PPP1R12B: variants seen among roughly 807,000 people sequenced by gnomAD.
PPP1R12B encodes the protein protein phosphatase 1 regulatory subunit 12B.
A neutral mutation model predicts 126.1 loss-of-function variants in PPP1R12B; 76 were observed. The ratio of observed to expected loss-of-function variants is 0.60; its 90% confidence interval spans 0.50 to 0.73. The LOEUF is 0.73. PPP1R12B is among the 30% of genes least tolerant of loss of function. PPP1R12B has a pLI of 0.00. For synonymous variants in PPP1R12B, 356 were observed against 434.7 expected, an observed-to-expected ratio of 0.82 and a Z score of 2.25; for missense variants, 1,052 against 1,205.1, an observed-to-expected ratio of 0.87 and a Z score of 1.88.
intron 6 of PPP1R12B, among the ~76,000 whole-genome samples, chr1:202,430,057 CTGATTA>C (rs1256221930): frequency 6.6e-6 from 1 of 152,154 alleles, no homozygotes; most frequent in East Asian, 1.9e-4. Context: ...AACAGCCTTC[CTGATTA>C]TAAGTTGTAT....
At chr1:202,475,649 A>C in intron 13 of PPP1R12B, among the ~76,000 whole-genome samples, 1 of 152,210 alleles carries the variant, frequency 6.6e-6, no homozygotes, top group East Asian at 1.9e-4. Context: ...GTGTTTTAGC[A>C]TCTCCTTAGG....
intron 1 of PPP1R12B, among the ~76,000 whole-genome samples, chr1:202,351,883 C>A (rs1303631568): frequency 6.6e-6 from 1 of 152,196 alleles, no homozygotes; most frequent in Non-Finnish European, 1.5e-5. Context: ...TGCCTTGATG[C>A]TTCTTTTGGA....
chr1:202,362,184 A>G (rs1307133125), intron 1 of PPP1R12B, among the ~76,000 whole-genome samples: 1 of 152,060 alleles, frequency 6.6e-6, no homozygotes, highest in Admixed American at 6.6e-5. Context: ...TAAAATGCCA[A>G]AACAGATTGT....
In PPP1R12B at chr1:202,520,436, C is replaced by G. The variant is rs185515220; in HGVS notation, c.2490+23614C>G. The stretch of plus-strand genomic sequence containing the variant: ...GCTGTGGAAAGTACCCTCTTCTTTG[C>G]TCAGTCTGATTCCATTTATGGGAAG... On this transcript the variant is annotated intron_variant, in intron 18 of 23. Transcript: ENST00000608999. Among the ~76,000 whole-genome samples the G allele has an allele frequency of 2.0e-5, 3 of 152,310 alleles. No individual in the cohort carries two copies. In the East Asian group the frequency reaches 5.8e-4, roughly 29 times the overall value.
chr1:202,457,352 C>G (rs1673763759), intron 13 of PPP1R12B, among the ~76,000 whole-genome samples: 1 of 151,890 alleles, frequency 6.6e-6, no homozygotes. Flanking sequence ...GAGTTCAAGA[C>G]CAGCCTGACC....
chr1:202,521,913 C>T (rs1044799880), intron 18 of PPP1R12B, among the ~76,000 whole-genome samples: 2 of 151,946 alleles, frequency 1.3e-5, no homozygotes, highest in African/African-American at 4.8e-5. Context: ...ATAATAAAAT[C>T]GTAGGAAATT....
intron 1 of PPP1R12B, among the ~76,000 whole-genome samples, chr1:202,356,613 C>T (rs1220020229): frequency 1.3e-5 from 2 of 152,080 alleles, no homozygotes; most frequent in African/African-American, 2.4e-5. Context: ...CCATATAAGA[C>T]AGGCAAGAGA....
intron 18 of PPP1R12B, among the ~76,000 whole-genome samples, chr1:202,518,853 C>T (rs1384010226): frequency 6.6e-6 from 1 of 152,078 alleles, no homozygotes; most frequent in Non-Finnish European, 1.5e-5. Flanking sequence ...GAACTTTATC[C>T]CTCTCTTTTG....
At chr1:202,442,637 T>G in intron 12 of PPP1R12B, 65 bp downstream of exon 12, 16 of 1,461,354 alleles carry the variant, frequency 1.1e-5, no homozygotes, top group Non-Finnish European at 1.5e-5. Flanking sequence ...GGGTAATGAT[T>G]GTATGCCTTT....
chr1:202,564,660 CG>C (rs1263056302), intron 21 of PPP1R12B, 113 bp downstream of exon 21: 3 of 744,690 alleles, frequency 4.0e-6, no homozygotes, highest in East Asian at 5.4e-5. Context: ...CAGGCCTTCT[CG>C]GGGCAATGAG....
At chr1:202,452,947 G>A (rs1159372432) in intron 13 of PPP1R12B, among the ~76,000 whole-genome samples, 1 of 151,952 alleles carries the variant, frequency 6.6e-6, no homozygotes, top group African/African-American at 2.4e-5. Flanking sequence ...GATTACAGGC[G>A]TGAGCCACTG....
At chr1:202,471,960 A>G (rs1459341882) in intron 13 of PPP1R12B, 1 of 1,596,708 alleles carries the variant, frequency 6.3e-7, no homozygotes, top group Non-Finnish European at 8.5e-7. Flanking sequence ...ACACAAAACT[A>G]CCGTTTGTGC....
chr1:202,397,505 A>G (rs1212761337), intron 1 of PPP1R12B, among the ~76,000 whole-genome samples: 9 of 152,210 alleles, frequency 5.9e-5, no homozygotes, highest in Non-Finnish European at 1.3e-4. Context: ...ACCAGAAAAA[A>G]TATTGGCTGC....
At chr1:202,359,342 T>A (rs1657720270) in intron 1 of PPP1R12B, among the ~76,000 whole-genome samples, 1 of 151,972 alleles carries the variant, frequency 6.6e-6, no homozygotes, top group South Asian at 2.1e-4. Flanking sequence ...TTGGCCAGGC[T>A]GGTCTCAAAT....
intron 23 of PPP1R12B, among the ~76,000 whole-genome samples, 162 bp from the exon 24 acceptor site, chr1:202,580,312 G>C (rs1410100480): frequency 6.6e-6 from 1 of 152,180 alleles, no homozygotes; most frequent in African/African-American, 2.4e-5. Flanking sequence ...CAATAAAAAG[G>C]AAGATTGAAG....
intron 10 of PPP1R12B, chr1:202,439,351 C>A: frequency 7.4e-7 from 1 of 1,343,818 alleles, no homozygotes; most frequent in Non-Finnish European, 1.1e-6. Flanking sequence ...TCCAACAAGA[C>A]GATCCACGCA....
At position 202,422,632 on chromosome 1, in the gene PPP1R12B, T is replaced by C; in HGVS notation, c.435T>C (p.Asn145=). The C allele has an allele frequency of 6.2e-7, 1 of 1,613,778 alleles. No individual in the cohort carries two copies. Residue 145 remains asparagine (N), a synonymous_variant, in exon 3 of 24, where the codon AAT becomes AAC. Coordinates refer to ENST00000608999, the MANE Select transcript of PPP1R12B (RefSeq NM_002481.4). The part of the protein sequence containing the change: ...GYLNIAEYFI[N]HGASVGIVNS... ...CTTGTCTACGCAGGTATTTCATTAA[T>C]CACGGAGCCAGTGTAGGTATTGTCA...
At chr1:202,451,879 G>A (rs1672993981) in intron 13 of PPP1R12B, among the ~76,000 whole-genome samples, 2 of 151,860 alleles carry the variant, frequency 1.3e-5, no homozygotes, top group South Asian at 4.1e-4. Context: ...CGGGGTGGCT[G>A]CTGGGTGGAG....
chr1:202,548,436 C>T (rs1685877798), intron 18 of PPP1R12B, among the ~76,000 whole-genome samples: 1 of 152,106 alleles, frequency 6.6e-6, no homozygotes, highest in South Asian at 2.1e-4. Context: ...TCATGGCTCA[C>T]TGCAGCCTCA....
Sources: gnomAD v4.1 joint callset for allele counts (sites outside exome capture counted in the v4.1 genomes callset) on GRCh38, gnomAD v4.1.1 for gene constraint, MANE v1.5 for transcripts, NCBI Gene and HGNC (gene_info 2026-07-23, HGNC 2026-07-21) for gene names.